Variants in COL6A3 observed in about 807,000 individuals in gnomAD.
COL6A3 encodes the protein collagen type VI alpha 3 chain, also known as collagen alpha-3(VI) chain.
A neutral mutation model predicts 274.1 loss-of-function variants in COL6A3; 137 were observed. The ratio of observed to expected loss-of-function variants is 0.50; its 90% CI spans 0.44 to 0.58. COL6A3 has a LOEUF of 0.58. Among genes scored for constraint, COL6A3 ranks in the 20% least tolerant of loss-of-function variants. The probability of loss-of-function intolerance (pLI) is 0.00; values close to 1 mark genes in which losing one functional copy is unlikely to be tolerated. For missense variants in COL6A3, 3,950 were observed against 4,124.9 expected (o/e 0.96, Z 1.16); for synonymous variants, 1,650 against 1,650.6 (o/e 1.00, Z 0.01).
rs138049094 is a variant in COL6A3 at position 237,369,064 on chromosome 2, T to C, written c.4399A>G (p.Asn1467Asp). 545 of 1,614,126 alleles carry C rather than the reference T, an allele frequency of 3.4e-4. 1 individual carries two copies. The highest frequency in any genetic ancestry group is 2.0e-4 in the Non-Finnish European group (240 of 1,180,060). Reference protein sequence around the residue: ...DFVSRIVRRLNIGPSKVRVGV... With the variant: ...DFVSRIVRRLDIGPSKVRVGV... ...ACTCTCACTTTACTGGGGCCGATGT[T>C]GAGTCTTCGAACAATCCTGCTAACA... is the stretch of plus-strand genomic sequence containing the variant. Residue 1467 changes from asparagine (N) to aspartate (D), a missense_variant, in exon 10 of 44, where the codon AAC becomes GAC. Asn to Asp is a conservative substitution (Grantham distance 23). Transcript: ENST00000295550.
chr2:237,412,336 T>G (rs2078877823), intron 1 of COL6A3, among the ~76,000 whole-genome samples: 1 of 152,170 alleles, frequency 6.6e-6, no homozygotes, highest in Non-Finnish European at 1.5e-5. Flanking sequence ...CCCTTCTTTC[T>G]CGGTTCATTG....
At chr2:237,379,654 G>C (rs1036040237) in intron 5 of COL6A3, among the ~76,000 whole-genome samples, 2 of 152,086 alleles carry the variant, frequency 1.3e-5, no homozygotes, top group African/African-American at 4.8e-5. Context: ...ACAAACAGAG[G>C]GTCTTCCATC....
Position 237,351,145 on chromosome 2 carries a change from A to G in COL6A3, c.6801T>C (p.Gly2267=), listed in dbSNP as rs2077197822. 1 of 1,614,192 alleles carries G rather than the reference A, an allele frequency of 6.2e-7. No homozygotes were observed. Among genetic ancestry groups the G allele is most frequent in the Admixed American group, 1.7e-5 (1 of 60,024 alleles). The stretch of plus-strand genomic sequence containing the variant: ...AAAGACAAACCTTTCTTCCCAGTGG[A>G]CCGGTTCTGCCTCGTTCTCCAGGAG... ...AGAPGERGRT[G]PLGRKGEPGE... is the part of the protein sequence containing the mutation. Residue 2267 remains glycine, a synonymous_variant, in exon 27 of 44, where the codon GGT becomes GGC. Coordinates refer to ENST00000295550, the MANE Select transcript of COL6A3 (RefSeq NM_004369.4).
At position 237,373,763 on chromosome 2, in the gene COL6A3, A is replaced by G. The variant is rs953885216; in HGVS notation, c.3679+649T>C. Among the ~76,000 whole-genome samples, 11 of 152,258 alleles carry G rather than the reference A, an allele frequency of 7.2e-5. No homozygotes were observed. The East Asian group carries it at 2.1e-3, about 29-fold the overall frequency. ...TTGGAGGACATTTATTGAGAGGTAG[A>G]TATATCTTTCCTCCTTCCTTCTCAG... On this transcript the variant is annotated intron_variant, in intron 8 of 43. Transcript: ENST00000295550.
At position 237,340,224 on chromosome 2, in the gene COL6A3, G is replaced by A. The variant is rs137933749; in HGVS notation, c.8464+228C>T. The stretch of plus-strand genomic sequence containing the variant: ...GACTAGGTGGCGCTTGGTCAAATGT[G>A]GTGGAATAAAGGAATCAATGAGAAC... On this transcript the variant is annotated intron_variant, in intron 38 of 43. Transcript: ENST00000295550. 1.2e-4 allele frequency among the ~76,000 whole-genome samples: 18 copies of A among 152,260 alleles called. No homozygotes were observed. The East Asian group carries it at 3.5e-3, about 29-fold the overall frequency.
chr2:237,358,661 C>T (rs2077370608), intron 20 of COL6A3, 78 bp from the exon 21 acceptor site: 1 of 1,240,912 alleles, frequency 8.1e-7, no homozygotes, highest in African/African-American at 1.5e-5. Flanking sequence ...CATTCTTCAA[C>T]TCATAAATCT....
intron 1 of COL6A3, among the ~76,000 whole-genome samples, chr2:237,398,225 G>A (rs1482041274): frequency 6.6e-6 from 1 of 152,224 alleles, no homozygotes; most frequent in African/African-American, 2.4e-5. Context: ...AGCCTGGGGT[G>A]ATTTAATTAG....
At chr2:237,352,443 T>C (rs1366658237) in intron 26 of COL6A3, 79 bp downstream of exon 26, 1 of 1,375,958 alleles carries the variant, frequency 7.3e-7, no homozygotes, top group Non-Finnish European at 1.0e-6. Flanking sequence ...AATAGCATCA[T>C]CCGAGAAACT....
intron 3 of COL6A3, among the ~76,000 whole-genome samples, chr2:237,389,070 G>A (rs998201274): frequency 1.3e-5 from 2 of 152,008 alleles, no homozygotes; most frequent in Non-Finnish European, 2.9e-5. Context: ...CATGAGCATC[G>A]AATAAACCCT....
chr2:237,370,528 C>T (rs936217049), intron 9 of COL6A3, among the ~76,000 whole-genome samples: 13 of 152,180 alleles, frequency 8.5e-5, no homozygotes, highest in African/African-American at 2.2e-4. Context: ...TGAGCCACCA[C>T]GCCCAGCCTA....
rs760856146 is a variant in COL6A3, at chr2:237,357,399, G to A, written c.6538-8C>T. 6.2e-7 allele frequency: 1 copy of A among 1,612,214 alleles called. No homozygotes were observed. Among genetic ancestry groups the A allele is most frequent in the African/African-American group, 1.3e-5 (1 of 74,866 alleles). On this transcript the variant is annotated splice_polypyrimidine_tract_variant and splice_region_variant and intron_variant, in intron 22 of 43. Coordinates refer to ENST00000295550, the MANE Select transcript of COL6A3 (RefSeq NM_004369.4). ...ATCTCTCCCTGGGACACCCTGGTGTGGGGAAAATTAGCATGAGATTCTCAT... is the reference window on the plus strand; with the variant it reads ...ATCTCTCCCTGGGACACCCTGGTGTAGGGAAAATTAGCATGAGATTCTCAT...
rs2076999694 is a variant in COL6A3, at chr2:237,342,105, T to G, written c.7725A>C (p.Thr2575=). The change falls in exon 37 of 44, where the codon ACA becomes ACC. Residue 2575 remains threonine (T), a synonymous_variant. Coordinates refer to ENST00000295550, the MANE Select transcript of COL6A3 (RefSeq NM_004369.4). The part of the protein sequence containing the change: ...ALVLPAGRDL[T]DFLENVLTCH... ...ACGTGAGGACATTCTCCAGGAAGTC[T>G]GTGAGGTCTCTCCCTGCAGGCAGGA... is the stretch of plus-strand genomic sequence containing the variant. 2 of 1,614,124 alleles carry G rather than the reference T, an allele frequency of 1.2e-6. No homozygotes were observed. Among genetic ancestry groups the G allele is most frequent in the South Asian group, 1.1e-5 (1 of 91,082 alleles).
chr2:237,369,220 T>C lies in COL6A3; in HGVS notation c.4286-43A>G, dbSNP rs746093023. On this transcript the variant is annotated intron_variant, in intron 9 of 43. Transcript: ENST00000295550. ...AAAAGGGAAACATTCAGTGTGTAAGTAGCCCTCACCCAGGTTTGGTGTGCA... is the reference window on the plus strand; with the variant it reads ...AAAAGGGAAACATTCAGTGTGTAAGCAGCCCTCACCCAGGTTTGGTGTGCA... 6.3e-6 allele frequency: 10 copies of C among 1,599,736 alleles called. No individual in the cohort carries two copies. In the East Asian group the frequency reaches 1.8e-4, roughly 29 times the overall value.
intron 8 of COL6A3, among the ~76,000 whole-genome samples, chr2:237,373,787 A>G (rs1356424630): frequency 6.6e-6 from 1 of 152,116 alleles, no homozygotes; most frequent in African/African-American, 2.4e-5. Flanking sequence ...CTTCCTTCTC[A>G]GCACCAGGGC....
At chr2:237,369,340 G>A (rs2077630643) in intron 9 of COL6A3, among the ~76,000 whole-genome samples, 163 bp from the exon 10 acceptor site, 1 of 152,138 alleles carries the variant, frequency 6.6e-6, no homozygotes, top group Admixed American at 6.5e-5. Flanking sequence ...GTTAAAAATT[G>A]GACCTTTTAC....
intron 6 of COL6A3, 127 bp from the exon 7 acceptor site, chr2:237,377,471 G>C: frequency 2.2e-6 from 2 of 926,618 alleles, no homozygotes; most frequent in Admixed American, 2.0e-5. Flanking sequence ...GTGCCAGCAA[G>C]AGAAGAGAAA....
chr2:237,331,453 C>A (rs978585394), intron 42 of COL6A3, among the ~76,000 whole-genome samples: 1 of 152,124 alleles, frequency 6.6e-6, no homozygotes, highest in Admixed American at 6.5e-5. Context: ...TTCTGGTTAT[C>A]CATTTTGAAT....
At chr2:237,352,314 G>A (rs1213329256) in intron 26 of COL6A3, among the ~76,000 whole-genome samples, 2 of 152,098 alleles carry the variant, frequency 1.3e-5, no homozygotes, top group Non-Finnish European at 2.9e-5. Context: ...GAGGCCCATG[G>A]AGCACCAAAA....
Position 237,378,748 on chromosome 2 carries a change from C to G in COL6A3, c.2385G>C (p.Leu795=). 1 of 1,614,168 alleles carries G rather than the reference C, an allele frequency of 6.2e-7. No homozygotes were observed. The highest frequency in any genetic ancestry group is 2.2e-5 in the East Asian group (1 of 44,892). Residue 795 remains leucine, a synonymous_variant, in exon 6 of 44, where the codon CTG becomes CTC. Coordinates refer to ENST00000295550, the MANE Select transcript of COL6A3 (RefSeq NM_004369.4). ...ELEQIAFNPS[L]VYLMDDFSSL... is the part of the protein sequence containing the mutation. Reference sequence around the variant, plus strand: ...AGCTGAAATCATCCATGAGATACACCAGGCTTGGGTTAAAAGCAATCTGCT... The same window carrying G: ...AGCTGAAATCATCCATGAGATACACGAGGCTTGGGTTAAAAGCAATCTGCT...
Sources: gnomAD v4.1 joint callset for allele counts (sites outside exome capture counted in the v4.1 genomes callset) on GRCh38, gnomAD v4.1.1 for gene constraint, MANE v1.5 for transcripts, NCBI Gene and HGNC (gene_info 2026-07-23, HGNC 2026-07-21) for gene names.